The following GALNT13 variants were observed in gnomAD, a reference collection of about 807,000 sequenced individuals.
The protein encoded by GALNT13 is polypeptide N-acetylgalactosaminyltransferase 13.
In GALNT13, 28 loss-of-function variants were observed where a neutral mutation model predicts 64.2. The observed-to-expected ratio is 0.44, with a 90% CI of 0.32 to 0.60. The LOEUF (loss-of-function observed/expected upper bound fraction) is 0.60, where lower values mean the gene tolerates loss of function less well. Ranked by LOEUF, GALNT13 falls within the 20% of genes least tolerant of loss-of-function variation. GALNT13 has a pLI of 0.05. For synonymous variants in GALNT13, 214 were observed against 224.6 expected (o/e 0.95, Z 0.42); for missense variants, 577 against 669.8 (o/e 0.86, Z 1.53).
chr2:153,402,980 T>C, the GALNT13 span, among the ~76,000 whole-genome samples: 1 of 152,096 alleles, frequency 6.6e-6, no homozygotes, highest in Non-Finnish European at 1.5e-5. Context: ...AGGAACTGCG[T>C]TCCTTTGGAG....
chr2:153,080,219 G>A, the GALNT13 span, among the ~76,000 whole-genome samples: 1 of 151,966 alleles, frequency 6.6e-6, no homozygotes, highest in South Asian at 2.1e-4. Flanking sequence ...ATTATTTTCA[G>A]ATTTTATCTT....
intron 3 of GALNT13, among the ~76,000 whole-genome samples, chr2:154,051,488 C>T (rs1574413522): frequency 1.3e-5 from 2 of 151,400 alleles, no homozygotes; most frequent in African/African-American, 4.8e-5. Flanking sequence ...GACGGGGTTT[C>T]ACCTTGTTAG....
At chr2:154,209,002 T>C (rs1687623607) in intron 4 of GALNT13, among the ~76,000 whole-genome samples, 1 of 152,138 alleles carries the variant, frequency 6.6e-6, no homozygotes. Context: ...AATTTCTGTA[T>C]GGCTTTATAA....
chr2:153,109,308 G>A, the GALNT13 span, among the ~76,000 whole-genome samples: 13 of 152,106 alleles, frequency 8.5e-5, no homozygotes, highest in Admixed American at 2.6e-4. Flanking sequence ...AAGATGACAT[G>A]TAGTCATTCT....
the GALNT13 span, among the ~76,000 whole-genome samples, chr2:153,631,421 C>T: frequency 4.6e-5 from 7 of 152,182 alleles, no homozygotes; most frequent in Non-Finnish European, 8.8e-5. Flanking sequence ...GTTTACAGTC[C>T]TATCAACAGT....
At chr2:153,114,692 G>A in the GALNT13 span, among the ~76,000 whole-genome samples, 1 of 152,088 alleles carries the variant, frequency 6.6e-6, no homozygotes, top group East Asian at 1.9e-4. Context: ...GTGGAAAGAT[G>A]TAGCAAAGAT....
chr2:153,714,112 A>G, the GALNT13 span, among the ~76,000 whole-genome samples: 1 of 152,214 alleles, frequency 6.6e-6, no homozygotes, highest in African/African-American at 2.4e-5. Flanking sequence ...AACCTTTCCT[A>G]TATCACGGTG....
chr2:153,179,687 C>T, the GALNT13 span, among the ~76,000 whole-genome samples: 20,114 of 152,034 alleles, frequency 0.13, 1,567 homozygotes, highest in Non-Finnish European at 0.17. Flanking sequence ...ACCATGAACA[C>T]GAGGTATCTT....
chr2:154,096,019 A>T (rs1041267676), intron 3 of GALNT13, among the ~76,000 whole-genome samples: 5 of 152,004 alleles, frequency 3.3e-5, no homozygotes, highest in African/African-American at 1.2e-4. Flanking sequence ...TTCGACTCTG[A>T]GAACAGGTAT....
the GALNT13 span, among the ~76,000 whole-genome samples, chr2:153,365,489 A>C: frequency 6.6e-6 from 1 of 152,164 alleles, no homozygotes; most frequent in Non-Finnish European, 1.5e-5. Context: ...TTTGCAATCT[A>C]CCCATCTGAC....
chr2:154,365,607 T>C (rs1697322937), intron 9 of GALNT13, among the ~76,000 whole-genome samples: 1 of 152,202 alleles, frequency 6.6e-6, no homozygotes, highest in Admixed American at 6.5e-5. Flanking sequence ...TGGACTTCTG[T>C]GACAAGATCA....
chr2:154,326,753 A>G (rs1694897137), intron 9 of GALNT13, among the ~76,000 whole-genome samples: 1 of 152,148 alleles, frequency 6.6e-6, no homozygotes, highest in African/African-American at 2.4e-5. Context: ...TGACCTAAGA[A>G]TCAAAATAGT....
At chr2:153,564,699 G>A in the GALNT13 span, among the ~76,000 whole-genome samples, 1 of 151,810 alleles carries the variant, frequency 6.6e-6, no homozygotes, top group African/African-American at 2.4e-5. Flanking sequence ...AATTTAAAGT[G>A]GTCTTTGGAA....
chr2:154,308,049 G>C (rs1360337962), intron 9 of GALNT13, among the ~76,000 whole-genome samples: 1 of 152,020 alleles, frequency 6.6e-6, no homozygotes, highest in Non-Finnish European at 1.5e-5. Flanking sequence ...ATAACACCCA[G>C]GTTCTTCTTC....
At chr2:153,530,835 T>C in the GALNT13 span, among the ~76,000 whole-genome samples, 1 of 152,142 alleles carries the variant, frequency 6.6e-6, no homozygotes, top group African/African-American at 2.4e-5. Flanking sequence ...TGGATACCCA[T>C]ATGCAGAAGA....
chr2:154,096,431 T>C (rs1368491356), intron 3 of GALNT13, among the ~76,000 whole-genome samples: 1 of 152,046 alleles, frequency 6.6e-6, no homozygotes, highest in Non-Finnish European at 1.5e-5. Context: ...AGTAATCTCA[T>C]GCTCAGTTAA....
intron 4 of GALNT13, among the ~76,000 whole-genome samples, chr2:154,237,524 A>ATATATG (rs1289609179): frequency 6.8e-6 from 1 of 147,050 alleles, no homozygotes; most frequent in Non-Finnish European, 1.5e-5. Flanking sequence ...AGCTTTATAT[A>ATATATG]TATATATATA....
At chr2:153,162,663 C>T in the GALNT13 span, among the ~76,000 whole-genome samples, 2 of 152,086 alleles carry the variant, frequency 1.3e-5, no homozygotes, top group African/African-American at 4.8e-5. Flanking sequence ...ACCTAGATAC[C>T]CATAGATGTT....
intron 4 of GALNT13, among the ~76,000 whole-genome samples, chr2:154,208,248 A>G (rs959560798): frequency 1.3e-5 from 2 of 152,320 alleles, no homozygotes; most frequent in African/African-American, 4.8e-5. Flanking sequence ...GATATTCAGT[A>G]AGCATAATAT....
Sources: allele counts gnomAD v4.1 joint callset (sites outside exome capture counted in the v4.1 genomes callset), GRCh38; gene constraint gnomAD v4.1.1; transcripts MANE v1.5; gene names NCBI Gene and HGNC (gene_info 2026-07-23, HGNC 2026-07-21).